The following SH3BP5 variants were observed in gnomAD, a reference collection of about 807,000 sequenced individuals.
The protein encoded by SH3BP5 is SH3 domain binding protein 5.
Under a neutral mutation model 43.3 loss-of-function variants are expected in SH3BP5, and 22 were observed. That is an observed-to-expected ratio of 0.51 (90% CI 0.36 to 0.73). The LOEUF is 0.73. Ranked by LOEUF, SH3BP5 falls within the 30% of genes least tolerant of loss-of-function variation. The probability of loss-of-function intolerance (pLI) is 0.00; values close to 1 mark genes in which losing one functional copy is unlikely to be tolerated. For synonymous variants in SH3BP5, 255 were observed against 225.8 expected, an observed-to-expected ratio of 1.13 and a Z score of -1.16; for missense variants, 529 against 586.9, an observed-to-expected ratio of 0.90 and a Z score of 1.02.
At chr3:15,309,829 G>A (rs1022834730) in intron 2 of SH3BP5, among the ~76,000 whole-genome samples, 6 of 152,138 alleles carry the variant, frequency 3.9e-5, no homozygotes, top group African/African-American at 9.6e-5. Flanking sequence ...TGCATGACTG[G>A]CTGACTTCCA....
At chr3:15,285,117 C>T (rs1451280943) in intron 3 of SH3BP5, among the ~76,000 whole-genome samples, 1 of 152,192 alleles carries the variant, frequency 6.6e-6, no homozygotes, top group Non-Finnish European at 1.5e-5. Flanking sequence ...GTGGCTGGTA[C>T]ACTGCAAATG....
At chr3:15,314,493 T>C (rs901864917) in intron 2 of SH3BP5, among the ~76,000 whole-genome samples, 18 of 151,828 alleles carry the variant, frequency 1.2e-4, no homozygotes, top group Non-Finnish European at 2.4e-4. Context: ...GCACAAAGAG[T>C]ACACCAGGGC....
intron 3 of SH3BP5, among the ~76,000 whole-genome samples, chr3:15,292,078 T>C (rs1415591011): frequency 6.6e-6 from 1 of 152,196 alleles, no homozygotes; most frequent in South Asian, 2.1e-4. Flanking sequence ...TATGCTCTGA[T>C]TTCCTTTCAC....
At chr3:15,325,576 T>A (rs1559460223) in intron 2 of SH3BP5, among the ~76,000 whole-genome samples, 1 of 152,216 alleles carries the variant, frequency 6.6e-6, no homozygotes, top group Non-Finnish European at 1.5e-5. Flanking sequence ...TAACCTACCA[T>A]GTGTATTTTA....
At chr3:15,329,918 A>G (rs1475799119) in intron 2 of SH3BP5, among the ~76,000 whole-genome samples, 3 of 152,258 alleles carry the variant, frequency 2.0e-5, no homozygotes, top group Non-Finnish European at 1.5e-5. Flanking sequence ...ACCCAAATCA[A>G]GTTTTAGTCT....
chr3:15,269,489 A>G (rs773492767), intron 4 of SH3BP5, among the ~76,000 whole-genome samples: 27 of 152,156 alleles, frequency 1.8e-4, no homozygotes, highest in Admixed American at 3.3e-4. Flanking sequence ...AAGCAACATA[A>G]GGGAAGGAGC....
chr3:15,290,884 G>A (rs1002484208), intron 3 of SH3BP5, among the ~76,000 whole-genome samples: 8 of 152,102 alleles, frequency 5.3e-5, no homozygotes, highest in African/African-American at 1.2e-4. Flanking sequence ...AAAGGCCATC[G>A]AGAATGGAGA....
intron 3 of SH3BP5, among the ~76,000 whole-genome samples, chr3:15,295,951 TTGATTG>T (rs1359109112): frequency 7.2e-6 from 1 of 138,440 alleles, no homozygotes; most frequent in Non-Finnish European, 1.6e-5. Context: ...TTGCATATAA[TTGATTG>T]TAAGAAACAC....
intron 1 of SH3BP5, among the ~76,000 whole-genome samples, chr3:15,337,851 G>T (rs1368473148): frequency 6.8e-6 from 1 of 146,544 alleles, no homozygotes; most frequent in Non-Finnish European, 1.5e-5. Context: ...GGAGCTCGAG[G>T]CTGCAGTGAA....
upstream of SH3BP5, among the ~76,000 whole-genome samples, chr3:15,336,929 C>T (rs1368792007): frequency 3.9e-5 from 6 of 152,142 alleles, no homozygotes; most frequent in Non-Finnish European, 8.8e-5. Flanking sequence ...TCACGCTTCT[C>T]CCCGACCACT....
intron 2 of SH3BP5, among the ~76,000 whole-genome samples, chr3:15,326,323 T>C (rs928886681): frequency 6.6e-6 from 1 of 152,146 alleles, no homozygotes; most frequent in African/African-American, 2.4e-5. Context: ...AATGGGATGT[T>C]AAATGTGGGC....
At chr3:15,258,068 T>A (rs887576452) in intron 7 of SH3BP5, 8 of 152,230 alleles carry the variant, frequency 5.3e-5, no homozygotes, top group African/African-American at 7.2e-5. Context: ...ACATAGTAGT[T>A]GTTCAAATGA....
chr3:15,256,979 C>T lies in SH3BP5; in HGVS notation c.1024G>A (p.Val342Met), dbSNP rs756143409. 1 of 1,614,244 alleles carries T rather than the reference C, an allele frequency of 6.2e-7. No homozygotes were observed. Among genetic ancestry groups the T allele is most frequent in the South Asian group, 1.1e-5 (1 of 91,088 alleles). ...GGCAGATCCAGGCTGCCAGGCCTCACAACCGCAGGGAACTGGTCAGGCATC... is the reference window on the plus strand; with the variant it reads ...GGCAGATCCAGGCTGCCAGGCCTCATAACCGCAGGGAACTGGTCAGGCATC... ...SEMPDQFPAVVRPGSLDLPSP... is the reference protein window; with the variant it reads ...SEMPDQFPAVMRPGSLDLPSP... The change falls in exon 8 of 9, where the codon GTG (valine) becomes ATG (methionine). Residue 342 changes from valine to methionine, a missense_variant. Transcript: ENST00000383791.
chr3:15,332,630 A>T, upstream of SH3BP5: 1 of 1,177,720 alleles, frequency 8.5e-7, no homozygotes, highest in Non-Finnish European at 1.0e-6. Flanking sequence ...CAGTCAGCGC[A>T]GCGCCCGCTC....
intron 8 of SH3BP5, 70 bp downstream of exon 8, chr3:15,256,781 ATG>A: frequency 3.3e-6 from 5 of 1,509,206 alleles, no homozygotes; most frequent in Non-Finnish European, 4.5e-6. Flanking sequence ...TGGCAGAGGT[ATG>A]GAATGGCACA....
Position 15,255,125 on chromosome 3 carries a change from C to G in SH3BP5, c.*961G>C, listed in dbSNP as rs1161319532. ...AAAGAAAAGCAGTCTTAACACTTAA[C>G]TACTATTAACAGCCTTTGCCAACAC... On this transcript the variant is annotated 3_prime_UTR_variant, in exon 9 of 9. Coordinates refer to ENST00000383791, the MANE Select transcript of SH3BP5 (RefSeq NM_004844.5). 2 of 152,628 alleles carry G rather than the reference C, an allele frequency of 1.3e-5. No homozygotes were observed. Among genetic ancestry groups the G allele is most frequent in the Non-Finnish European group, 2.9e-5 (2 of 68,032 alleles). 9.5% of individuals were successfully genotyped at this position (152,628 alleles called of 1,614,324 possible). A position where few individuals can be genotyped will look rare whatever the true frequency, so the allele number is the denominator to read the frequency against.
chr3:15,337,786 G>A (rs1198278831), intron 1 of SH3BP5, among the ~76,000 whole-genome samples: 1 of 151,412 alleles, frequency 6.6e-6, no homozygotes, highest in Admixed American at 6.6e-5. Flanking sequence ...GTGGTGGTGT[G>A]TACCTATAGT....
intron 3 of SH3BP5, among the ~76,000 whole-genome samples, chr3:15,292,130 G>A (rs1355616282): frequency 6.6e-6 from 1 of 152,216 alleles, no homozygotes; most frequent in Non-Finnish European, 1.5e-5. Flanking sequence ...GGGAATGCCT[G>A]TGGTTTACAG....
rs1696461643 is a variant in SH3BP5 at position 15,262,025 on chromosome 3, G to C, written c.626+134C>G. ...GGGGGAAAGAGAGCCTGAGCAGGGG[G>C]GCTCTGGTGAGGCCCCAGGGTCTAC... On this transcript the variant is annotated intron_variant, in intron 5 of 8. Coordinates refer to ENST00000383791, the MANE Select transcript of SH3BP5 (RefSeq NM_004844.5). 6.4e-6 allele frequency: 6 copies of C among 940,168 alleles called. No homozygotes were observed. The South Asian group carries it at 1.0e-4, about 16-fold the overall frequency. 58.2% of individuals were successfully genotyped at this position (940,168 alleles called of 1,614,324 possible).
Sources: gnomAD v4.1 joint callset for allele counts (sites outside exome capture counted in the v4.1 genomes callset) on GRCh38, gnomAD v4.1.1 for gene constraint, MANE v1.5 for transcripts, NCBI Gene and HGNC (gene_info 2026-07-23, HGNC 2026-07-21) for gene names.